Variants in TBC1D16 observed in about 807,000 individuals in gnomAD.
TBC1D16 encodes CTD-2529O21.1.
In TBC1D16, 58 loss-of-function variants were observed where a neutral mutation model predicts 74.7. The observed-to-expected ratio is 0.78, with a 90% CI of 0.63 to 0.97. TBC1D16 has a LOEUF of 0.97. Among genes scored for constraint, TBC1D16 ranks in the 50% least tolerant of loss-of-function variants. TBC1D16 has a pLI of 0.00. For synonymous variants in TBC1D16, 493 were observed against 474.7 expected (o/e 1.04, Z -0.50); for missense variants, 1,014 against 1,079.5 (o/e 0.94, Z 0.85).
chr17:79,982,169 C>G (rs1426554762), intron 3 of TBC1D16, among the ~76,000 whole-genome samples: 1 of 144,818 alleles, frequency 6.9e-6, no homozygotes, highest in Non-Finnish European at 1.5e-5. Context: ...TTTTTTGAGA[C>G]CGAGTCTCAC....
rs903600362 is a variant in TBC1D16, at chr17:79,961,267, A to G, written c.780-8449T>C. 6.6e-6 allele frequency among the ~76,000 whole-genome samples: 1 copy of G among 152,238 alleles called. No individual in the cohort carries two copies. The highest frequency in any genetic ancestry group is 1.5e-5 in the Non-Finnish European group (1 of 68,038). ...AAGATACTCAGCATCCTCTGTAGTCAGGAAAATGCAAATTAAAACCACAAT... is the reference window on the plus strand; with the variant it reads ...AAGATACTCAGCATCCTCTGTAGTCGGGAAAATGCAAATTAAAACCACAAT... On this transcript the variant is annotated intron_variant, in intron 3 of 11. Transcript: ENST00000310924. The surrounding 1 kb of genome is among the most constrained non-coding windows in gnomAD (Gnocchi z 4.8).
At chr17:80,005,972 C>T (rs956213134) in intron 3 of TBC1D16, among the ~76,000 whole-genome samples, 4 of 152,112 alleles carry the variant, frequency 2.6e-5, no homozygotes, top group Admixed American at 1.3e-4. Flanking sequence ...TGCAGTTCTT[C>T]AGATCCACCA....
intron 1 of TBC1D16, among the ~76,000 whole-genome samples, chr17:80,017,884 C>T (rs2144723570): frequency 6.6e-6 from 1 of 152,168 alleles, no homozygotes; most frequent in South Asian, 2.1e-4. Flanking sequence ...CACTCTTGGC[C>T]TAAACACTTC....
intron 3 of TBC1D16, among the ~76,000 whole-genome samples, chr17:79,995,312 T>A (rs2035229312): frequency 6.6e-6 from 1 of 150,742 alleles, no homozygotes; most frequent in African/African-American, 2.4e-5. Context: ...AAAAAAAAAA[T>A]TGTACCTATA....
At position 79,979,882 on chromosome 17, in the gene TBC1D16, C is replaced by T. The variant is rs1007984314; in HGVS notation, c.780-27064G>A. ...CTTGCTATGGGTGGGCTCTGGCTTC[C>T]AGGTGGTGGGCTCTGCGGGCCAGAG... On this transcript the variant is annotated intron_variant, in intron 3 of 11. Coordinates refer to ENST00000310924, the MANE Select transcript of TBC1D16 (RefSeq NM_019020.4). The surrounding 1 kb of genome is among the most constrained non-coding windows in gnomAD (Gnocchi z 4.8). Among the ~76,000 whole-genome samples, 1 of 152,092 alleles carries T rather than the reference C, an allele frequency of 6.6e-6. No homozygotes were observed. The highest frequency in any genetic ancestry group is 1.5e-5 in the Non-Finnish European group (1 of 68,012).
At chr17:80,006,545 G>A (rs1467723101) in intron 3 of TBC1D16, among the ~76,000 whole-genome samples, 8 of 152,182 alleles carry the variant, frequency 5.3e-5, no homozygotes, top group Admixed American at 5.2e-4. Context: ...TGCTTCCTGG[G>A]TCTACCATGT....
At chr17:80,015,103 C>T (rs2036038808) in intron 1 of TBC1D16, among the ~76,000 whole-genome samples, 1 of 152,126 alleles carries the variant, frequency 6.6e-6, no homozygotes, top group South Asian at 2.1e-4. Flanking sequence ...AACACACACA[C>T]CAAGCCACGC....
At chr17:80,006,226 T>TCTCTCTCTCTC (rs2035674610) in intron 3 of TBC1D16, among the ~76,000 whole-genome samples, 13 of 148,834 alleles carry the variant, frequency 8.7e-5, no homozygotes, top group African/African-American at 3.2e-4. Flanking sequence ...CTCTCTTTCT[T>TCTCTCTCTCTC]TCTCTCTCTC....
intron 1 of TBC1D16, among the ~76,000 whole-genome samples, chr17:80,017,854 T>C (rs1397037577): frequency 6.6e-6 from 1 of 151,982 alleles, no homozygotes; most frequent in Non-Finnish European, 1.5e-5. Flanking sequence ...TCTGCCAACC[T>C]CTCCAGGAAG....
Position 79,942,071 on chromosome 17 carries a change from C to G in TBC1D16, c.2044G>C (p.Val682Leu). 1 of 1,611,516 alleles carries G rather than the reference C, an allele frequency of 6.2e-7. No homozygotes were observed. Among genetic ancestry groups the G allele is most frequent in the Non-Finnish European group, 8.5e-7 (1 of 1,179,570 alleles). Residue 682 changes from valine (V) to leucine (L), a missense_variant, in exon 11 of 12, where the codon GTT becomes CTT. By Grantham distance (32) the Val-to-Leu change is conservative. Coordinates refer to ENST00000310924, the MANE Select transcript of TBC1D16 (RefSeq NM_019020.4). ...NLAMHMNGELVLRKARSLLYQ... is the reference protein window; with the variant it reads ...NLAMHMNGELLLRKARSLLYQ... ...TGGGGCAGCCTCACCTTCCGGAGAACGAGCTCCCCGTTCATGTGCATGGCC... is the reference window on the plus strand; with the variant it reads ...TGGGGCAGCCTCACCTTCCGGAGAAGGAGCTCCCCGTTCATGTGCATGGCC...
chr17:79,975,852 C>T lies in TBC1D16; in HGVS notation c.780-23034G>A, dbSNP rs753010201. On this transcript the variant is annotated intron_variant, in intron 3 of 11. Transcript: ENST00000310924. This position sits in a 1 kb window ranked among gnomAD's most constrained non-coding sequence, Gnocchi z 4.5. ...GGAATGACGGGGTCTGTGCAGAGACCGGGCAGAGCTCTGGGCTTCAGGATG... is the reference window on the plus strand; with the variant it reads ...GGAATGACGGGGTCTGTGCAGAGACTGGGCAGAGCTCTGGGCTTCAGGATG... 2.0e-5 allele frequency among the ~76,000 whole-genome samples: 3 copies of T among 152,150 alleles called. No individual in the cohort carries two copies. Among genetic ancestry groups the T allele is most frequent in the African/African-American group, 4.8e-5 (2 of 41,436 alleles).
In TBC1D16 at chr17:80,010,874, G is replaced by A. The variant is rs151285742; in HGVS notation, c.182-117C>T. ...CTGCCCTTTAGTAAAGTGCCAGTCC[G>A]GCCTCAGATACAGCCTGGCCCTGAG... is the stretch of plus-strand genomic sequence containing the variant. On this transcript the variant is annotated intron_variant, in intron 2 of 11. Coordinates refer to ENST00000310924, the MANE Select transcript of TBC1D16 (RefSeq NM_019020.4). The surrounding 1 kb of genome is among the most constrained non-coding windows in gnomAD (Gnocchi z 8.8). 6.1e-4 allele frequency: 407 copies of A among 666,052 alleles called. 2 individuals are homozygous for A. In the African/African-American group the frequency reaches 7.0e-3, roughly 11 times the overall value. The allele number at this position is 666,052 out of a possible 1,614,324, so 41.3% of individuals were successfully genotyped here.
intron 1 of TBC1D16, among the ~76,000 whole-genome samples, chr17:80,025,428 G>T (rs1189603167): frequency 6.7e-6 from 1 of 149,980 alleles, no homozygotes; most frequent in African/African-American, 2.5e-5. Flanking sequence ...CCTGTCACCG[G>T]GCGGCAGGAA....
At position 79,968,842 on chromosome 17, in the gene TBC1D16, C is replaced by CAAA. The variant is rs34365366; in HGVS notation, c.780-16027_780-16025dup. Among the ~76,000 whole-genome samples the CAAA allele has an allele frequency of 7.0e-3, 387 of 55,354 alleles. 2 individuals are homozygous for CAAA. The highest frequency in any genetic ancestry group is 0.01 in the Admixed American group (33 of 3,216). 36.3% of individuals were successfully genotyped at this position (55,354 alleles called of 152,430 possible). A position where few individuals can be genotyped will look rare whatever the true frequency, so the allele number is the denominator to read the frequency against. On this transcript the variant is annotated intron_variant, in intron 3 of 11. Transcript: ENST00000310924. The stretch of plus-strand genomic sequence containing the variant: ...CACTCCACAGAGCCAGATGCCGTCT[C>CAAA]AAAAAAAAAAAAAAAAAAAAAAAAA...
intron 1 of TBC1D16, among the ~76,000 whole-genome samples, chr17:80,014,509 T>C (rs916820760): frequency 2.1e-4 from 32 of 151,858 alleles, no homozygotes; most frequent in Admixed American, 2.0e-3. Context: ...CTGATAAATA[T>C]GTAAAGAGAT....
chr17:80,011,498 G>A (rs1271637716), intron 2 of TBC1D16, among the ~76,000 whole-genome samples: 3 of 152,128 alleles, frequency 2.0e-5, no homozygotes, highest in African/African-American at 4.8e-5. Context: ...CTGTTAGGAG[G>A]GATGGAGGCT....
rs2035797365 is a variant in TBC1D16 at position 80,009,498 on chromosome 17, C to T, written c.779+662G>A. 1.3e-5 allele frequency among the ~76,000 whole-genome samples: 2 copies of T among 152,220 alleles called. No individual in the cohort carries two copies. Among genetic ancestry groups the T allele is most frequent in the South Asian group, 4.1e-4 (2 of 4,828 alleles). Reference sequence around the variant, plus strand: ...GCAGGGCACGGGCCCAACTCTAGCTCCTGCAAGTGTGGCCAGCAAGGAGTC... The same window carrying T: ...GCAGGGCACGGGCCCAACTCTAGCTTCTGCAAGTGTGGCCAGCAAGGAGTC... On this transcript the variant is annotated intron_variant, in intron 3 of 11. Transcript: ENST00000310924. This position sits in a 1 kb window ranked among gnomAD's most constrained non-coding sequence, Gnocchi z 5.4.
At chr17:79,952,605 G>A in intron 4 of TBC1D16, 52 bp downstream of exon 4, 1 of 1,544,144 alleles carries the variant, frequency 6.5e-7, no homozygotes, top group Non-Finnish European at 8.8e-7. Context: ...CAGGCTGCCA[G>A]GGAAAACACA....
chr17:79,954,796 T>C lies in TBC1D16; in HGVS notation c.780-1978A>G, dbSNP rs1284511476. On this transcript the variant is annotated intron_variant, in intron 3 of 11. Coordinates refer to ENST00000310924, the MANE Select transcript of TBC1D16 (RefSeq NM_019020.4). This position sits in a 1 kb window ranked among gnomAD's most constrained non-coding sequence, Gnocchi z 5.5. ...CCAGTGGGGCCATCAGAGGGTGGTA[T>C]CCTTTCCCGCCTCCTCCCCCAGCCT... is the stretch of plus-strand genomic sequence containing the variant. Among the ~76,000 whole-genome samples, 1 of 152,082 alleles carries C rather than the reference T, an allele frequency of 6.6e-6. No individual in the cohort carries two copies. The highest frequency in any genetic ancestry group is 1.5e-5 in the Non-Finnish European group (1 of 67,994).
Sources: gnomAD v4.1 joint callset for allele counts (sites outside exome capture counted in the v4.1 genomes callset) on GRCh38, gnomAD v4.1.1 for gene constraint, Gnocchi (gnomAD v3.1) non-coding constraint, MANE v1.5 for transcripts, NCBI Gene and HGNC (gene_info 2026-07-23, HGNC 2026-07-21) for gene names.